ABR: variants seen among roughly 807,000 people sequenced by gnomAD.
ABR encodes the protein ABR activator of RhoGEF and GTPase.
A neutral mutation model predicts 107.2 loss-of-function variants in ABR; 35 were observed. The observed-to-expected ratio is 0.33, with a 90% CI of 0.25 to 0.43. ABR has a LOEUF of 0.43. Among genes scored for constraint, ABR ranks in the 20% least tolerant of loss-of-function variants. The probability of loss-of-function intolerance (pLI) is 1.00; values close to 1 mark genes in which losing one functional copy is unlikely to be tolerated. For missense variants in ABR, 815 were observed against 1,115.2 expected (o/e 0.73, Z 3.83); for synonymous variants, 498 against 462.0 (o/e 1.08, Z -1.00).
chr17:1,199,357 G>A (rs997910165), intron 1 of ABR, among the ~76,000 whole-genome samples: 1 of 150,990 alleles, frequency 6.6e-6, no homozygotes, highest in African/African-American at 2.5e-5. Context: ...AGACCACCAA[G>A]AGGCCACACG....
At chr17:1,065,741 GCTTTT>G (rs777499235) in intron 10 of ABR, among the ~76,000 whole-genome samples, 3 of 109,964 alleles carry the variant, frequency 2.7e-5, no homozygotes, top group African/African-American at 3.6e-5. Flanking sequence ...CCAAACCAAT[GCTTTT>G]TTTTTTTTTT....
intron 1 of ABR, among the ~76,000 whole-genome samples, chr17:1,226,695 A>G (rs1711758848): frequency 8.7e-6 from 1 of 114,356 alleles, no homozygotes; most frequent in Non-Finnish European, 2.0e-5. Flanking sequence ...TTACATGTGC[A>G]GGTGTGTGTG....
In ABR at chr17:1,209,105, G is replaced by C. The variant is rs185478419; in HGVS notation, c.838+19688C>G. On this transcript the variant is annotated intron_variant, in intron 1 of 22. Coordinates refer to the ABR transcript ENST00000574139. ...AGGTGCCAATAAAGTTTGCCTTCATGGTGCCTGAATCCCTTTCTTCCGGAT... is the reference window on the plus strand; with the variant it reads ...AGGTGCCAATAAAGTTTGCCTTCATCGTGCCTGAATCCCTTTCTTCCGGAT... 6.6e-5 allele frequency among the ~76,000 whole-genome samples: 10 copies of C among 152,220 alleles called. No individual in the cohort carries two copies. In the East Asian group the frequency reaches 1.7e-3, roughly 26 times the overall value.
intron 1 of ABR, among the ~76,000 whole-genome samples, chr17:1,226,641 G>A (rs1295407789): frequency 6.6e-6 from 1 of 150,982 alleles, no homozygotes; most frequent in East Asian, 2.0e-4. Context: ...TACATGTGAA[G>A]GTGTGAATGT....
intron 9 of ABR, among the ~76,000 whole-genome samples, chr17:1,069,265 G>A (rs925053652): frequency 6.6e-6 from 1 of 152,102 alleles, no homozygotes; most frequent in African/African-American, 2.4e-5. Context: ...GTGGGGGACG[G>A]GGTTTCCTCC....
chr17:1,173,981 C>A (rs1335638318), intron 1 of ABR, among the ~76,000 whole-genome samples: 1 of 152,218 alleles, frequency 6.6e-6, no homozygotes, highest in Admixed American at 6.5e-5. Flanking sequence ...CCCACGAGAG[C>A]CATCATGCCC....
rs961679362 is a variant in ABR, at chr17:1,078,699, C to T, written c.700+631G>A. The T allele has an allele frequency of 5.7e-5, 63 of 1,112,798 alleles. No individual in the cohort carries two copies. The highest frequency in any genetic ancestry group is 2.4e-4 in the African/African-American group (15 of 63,704). 68.9% of individuals were successfully genotyped at this position (1,112,798 alleles called of 1,614,324 possible). A position where few individuals can be genotyped will look rare whatever the true frequency, so the allele number is the denominator to read the frequency against. The stretch of plus-strand genomic sequence containing the variant: ...AAGGGGGAATTCAGGTCCAGCCGCT[C>T]GCCCACCCTCCTTCCCTGCGGCCCT... On this transcript the variant is annotated intron_variant, in intron 6 of 22. Coordinates refer to ENST00000302538, the MANE Select transcript of ABR (RefSeq NM_021962.5). This position sits in a 1 kb window ranked among gnomAD's most constrained non-coding sequence, Gnocchi z 7.5.
intron 16 of ABR, among the ~76,000 whole-genome samples, chr17:1,029,765 G>A (rs2663332): frequency 0.015 from 2,262 of 150,728 alleles, 68 homozygotes; most frequent in African/African-American, 0.053. Flanking sequence ...TGCGCACAGT[G>A]AGGTGGGAAG....
intron 4 of ABR, among the ~76,000 whole-genome samples, chr17:1,085,716 G>C (rs4968157): frequency 6.6e-6 from 1 of 152,128 alleles, no homozygotes; most frequent in Non-Finnish European, 1.5e-5. Context: ...CAAAGCCTTA[G>C]TATGTAAAAG....
intron 17 of ABR, 83 bp downstream of exon 17, chr17:1,013,022 G>C: frequency 5.2e-6 from 8 of 1,528,084 alleles, no homozygotes; most frequent in African/African-American, 1.4e-5. Flanking sequence ...CCCAGGAGCA[G>C]CCACAGGGCC....
rs560468723 is a variant in ABR at position 1,088,088 on chromosome 17, C to T, written c.531+3577G>A. On this transcript the variant is annotated intron_variant, in intron 4 of 22. Coordinates refer to ENST00000302538, the MANE Select transcript of ABR (RefSeq NM_021962.5). ...TCCGGATGCCAGACCTGACCCGGCT[C>T]CCCCCGGGCCCTCCCAAATCTGCAG... is the stretch of plus-strand genomic sequence containing the variant. Among the ~76,000 whole-genome samples the T allele has an allele frequency of 3.9e-5, 6 of 152,092 alleles. No homozygotes were observed. In the South Asian group the frequency reaches 8.3e-4, roughly 21 times the overall value.
Position 1,005,671 on chromosome 17 carries a change from G to T in ABR, c.*409C>A. On this transcript the variant is annotated 3_prime_UTR_variant, in exon 23 of 23. Coordinates refer to ENST00000302538, the MANE Select transcript of ABR (RefSeq NM_021962.5). ...AGCAGGGCCAAGAGAGAAGCTGGCA[G>T]CAGTTACACAGCGCAAAATAAAAGG... The T allele has an allele frequency of 4.6e-6, 1 of 216,326 alleles. No individual in the cohort carries two copies. The highest frequency in any genetic ancestry group is 9.3e-6 in the Non-Finnish European group (1 of 108,104). The allele number at this position is 216,326 out of a possible 1,614,324, so 13.4% of individuals were successfully genotyped here. A position where few individuals can be genotyped will look rare whatever the true frequency, so the allele number is the denominator to read the frequency against.
intron 4 of ABR, among the ~76,000 whole-genome samples, chr17:1,087,407 G>A (rs528461244): frequency 6.6e-6 from 1 of 152,310 alleles, no homozygotes; most frequent in African/African-American, 2.4e-5. Flanking sequence ...GTGGGGCAGG[G>A]GAGCGGGGGG....
upstream of ABR, chr17:1,180,018 G>C (rs1271451201): frequency 4.1e-6 from 1 of 241,648 alleles, no homozygotes; most frequent in African/African-American, 2.4e-5. Context: ...GGGGCTTCGT[G>C]GTGGGGCGGG....
chr17:1,014,290 A>C (rs1434503549), intron 16 of ABR, among the ~76,000 whole-genome samples: 1 of 145,052 alleles, frequency 6.9e-6, no homozygotes, highest in African/African-American at 2.6e-5. Context: ...AAATACAAAA[A>C]ATTAGCCGGG....
intron 10 of ABR, among the ~76,000 whole-genome samples, chr17:1,065,613 A>C (rs1279922812): frequency 1.3e-5 from 2 of 149,718 alleles, no homozygotes; most frequent in Admixed American, 6.7e-5. Flanking sequence ...TCTAAACAGC[A>C]CTTTGGCTGC....
At chr17:1,197,509 A>G (rs1371509682) in intron 1 of ABR, among the ~76,000 whole-genome samples, 1 of 151,222 alleles carries the variant, frequency 6.6e-6, no homozygotes, top group East Asian at 1.9e-4. Flanking sequence ...ACCTCACCCT[A>G]ATCCCCTTCT....
intron 3 of ABR, among the ~76,000 whole-genome samples, chr17:1,093,335 G>A (rs1242808452): frequency 2.0e-5 from 3 of 152,010 alleles, no homozygotes; most frequent in Non-Finnish European, 4.4e-5. Flanking sequence ...TGGGCGTGGT[G>A]GTGCACACCT....
In ABR at chr17:1,179,864, G is replaced by A. The variant is rs2042062571; in HGVS notation, c.-137C>T. 2.2e-6 allele frequency: 2 copies of A among 893,234 alleles called. No individual in the cohort carries two copies. The highest frequency in any genetic ancestry group is 1.8e-5 in the African/African-American group (1 of 56,128). 55.3% of individuals were successfully genotyped at this position (893,234 alleles called of 1,614,324 possible). A position where few individuals can be genotyped will look rare whatever the true frequency, so the allele number is the denominator to read the frequency against. On this transcript the variant is annotated 5_prime_UTR_variant, in exon 1 of 23. Coordinates refer to ENST00000302538, the MANE Select transcript of ABR (RefSeq NM_021962.5). The surrounding 1 kb of genome is among the most constrained non-coding windows in gnomAD (Gnocchi z 4.9). ...AGGCCGGGAACCAGGTCCCCGGGAGGAGCGCGGGGCGGCCGGGGCAGGGGC... is the reference window on the plus strand; with the variant it reads ...AGGCCGGGAACCAGGTCCCCGGGAGAAGCGCGGGGCGGCCGGGGCAGGGGC...
Sources: allele counts gnomAD v4.1 joint callset (sites outside exome capture counted in the v4.1 genomes callset), GRCh38; gene constraint gnomAD v4.1.1; non-coding constraint Gnocchi (gnomAD v3.1); transcripts MANE v1.5; gene names NCBI Gene and HGNC (gene_info 2026-07-23, HGNC 2026-07-21).